Variants in PLPPR1 observed in about 807,000 individuals in gnomAD.
PLPPR1 encodes phospholipid phosphatase related 1.
In PLPPR1, 10 loss-of-function variants were observed where a neutral mutation model predicts 33.1. The observed-to-expected ratio is 0.30, with a 90% confidence interval of 0.19 to 0.51. The LOEUF (loss-of-function observed/expected upper bound fraction) is 0.51. Among genes scored for constraint, PLPPR1 ranks in the 20% least tolerant of loss-of-function variants. PLPPR1 has a pLI of 0.97. For missense variants in PLPPR1, 304 were observed against 408.1 expected, an observed-to-expected ratio of 0.74 and a Z score of 2.20; for synonymous variants, 151 against 151.0, an observed-to-expected ratio of 1.00 and a Z score of 0.00.
At chr9:101,186,901 A>G in intron 2 of PLPPR1, among the ~76,000 whole-genome samples, 1 of 152,062 alleles carries the variant, frequency 6.6e-6, no homozygotes, top group East Asian at 1.9e-4. Context: ...TTTAAGCTAA[A>G]TATCTGAATG....
At chr9:101,147,696 G>C (rs139226391) in intron 1 of PLPPR1, among the ~76,000 whole-genome samples, 53 of 152,140 alleles carry the variant, frequency 3.5e-4, no homozygotes, top group African/African-American at 7.5e-4. Context: ...TTGGGAGTGT[G>C]GGGGGAAGGG....
chr9:101,245,591 AT>A (rs1285008362), intron 2 of PLPPR1, among the ~76,000 whole-genome samples: 1 of 151,912 alleles, frequency 6.6e-6, no homozygotes, highest in Non-Finnish European at 1.5e-5. Context: ...TACACTATAT[AT>A]TTTTTCTAGT....
chr9:101,299,499 T>C (rs1053871573), intron 4 of PLPPR1, among the ~76,000 whole-genome samples: 1 of 152,178 alleles, frequency 6.6e-6, no homozygotes, highest in Non-Finnish European at 1.5e-5. Flanking sequence ...TCTATTCCCC[T>C]TTGATTGTCA....
chr9:101,162,509 A>C (rs1252442739), intron 1 of PLPPR1, among the ~76,000 whole-genome samples: 1 of 152,218 alleles, frequency 6.6e-6, no homozygotes, highest in Non-Finnish European at 1.5e-5. Flanking sequence ...TCAGGGAAGA[A>C]TTTGTGAATT....
intron 4 of PLPPR1, among the ~76,000 whole-genome samples, chr9:101,290,477 G>C (rs1828475263): frequency 6.6e-6 from 1 of 152,194 alleles, no homozygotes; most frequent in South Asian, 2.1e-4. Context: ...AAAAACGTGA[G>C]ATTCTAATAC....
In PLPPR1 at chr9:101,180,094, TTATATATATATATA is replaced by T. The variant is rs71507977; in HGVS notation, c.-45-5319_-45-5306del. Among the ~76,000 whole-genome samples, 115 of 62,016 alleles carry T rather than the reference TTATATATATATATA, an allele frequency of 1.9e-3. 4 individuals are homozygous for T. The highest frequency in any genetic ancestry group is 6.6e-3 in the East Asian group (13 of 1,974). The allele number at this position is 62,016 out of a possible 152,430, so 40.7% of individuals were successfully genotyped here. ...GAGTTAATACTTAATAAACTCTCCT[TTATATATATATATA>T]TATATATATATATATATATATATAT... is the stretch of plus-strand genomic sequence containing the variant. On this transcript the variant is annotated intron_variant, in intron 1 of 7. Transcript: ENST00000374874.
intron 7 of PLPPR1, among the ~76,000 whole-genome samples, chr9:101,318,773 CA>C (rs35086498): frequency 0.41 from 61,552 of 149,542 alleles, 13,917 homozygotes; most frequent in African/African-American, 0.63. Flanking sequence ...GACCCTATCT[CA>C]AAAAAAAACA....
At chr9:101,276,043 T>G (rs974581555) in intron 3 of PLPPR1, among the ~76,000 whole-genome samples, 1 of 152,114 alleles carries the variant, frequency 6.6e-6, no homozygotes, top group African/African-American at 2.4e-5. Context: ...CTCTCAATAA[T>G]GCAAGCCTGT....
intron 1 of PLPPR1, among the ~76,000 whole-genome samples, chr9:101,158,159 TAA>T (rs573137652): frequency 6.6e-6 from 1 of 152,054 alleles, no homozygotes; most frequent in South Asian, 2.1e-4. Context: ...TGTTATTTAG[TAA>T]AAAAAGCTTC....
intron 1 of PLPPR1, among the ~76,000 whole-genome samples, chr9:101,141,430 T>C (rs968991737): frequency 6.6e-6 from 1 of 152,150 alleles, no homozygotes; most frequent in African/African-American, 2.4e-5. Context: ...TTATTACCAA[T>C]GGAGGATTAG....
At chr9:101,206,509 C>T (rs985859490) in intron 2 of PLPPR1, among the ~76,000 whole-genome samples, 1 of 152,150 alleles carries the variant, frequency 6.6e-6, no homozygotes, top group Non-Finnish European at 1.5e-5. Flanking sequence ...TGTTTAGGTG[C>T]CTTTTCTGTT....
At position 101,122,836 on chromosome 9, in the gene PLPPR1, A is replaced by G. The variant is rs192967625; in HGVS notation, c.-45-62614A>G. On this transcript the variant is annotated intron_variant, in intron 1 of 7. Coordinates refer to ENST00000374874, the MANE Select transcript of PLPPR1 (RefSeq NM_207299.2). ...TCTTTCTTCTAACACCTAGTTAGCA[A>G]CTGGTTACTGTCAAAGACTGCTGTG... Among the ~76,000 whole-genome samples, 785 of 152,308 alleles carry G rather than the reference A, an allele frequency of 5.2e-3. 3 individuals carry two copies. The highest frequency in any genetic ancestry group is 9.3e-3 in the Non-Finnish European group (633 of 68,034).
At chr9:101,122,332 T>TA (rs1287833391) in intron 1 of PLPPR1, among the ~76,000 whole-genome samples, 2 of 152,214 alleles carry the variant, frequency 1.3e-5, no homozygotes, top group Non-Finnish European at 2.9e-5. Context: ...ACTGACTGTC[T>TA]ACAATTGTTG....
chr9:101,123,658 C>G (rs188162927), intron 1 of PLPPR1, among the ~76,000 whole-genome samples: 95 of 152,266 alleles, frequency 6.2e-4, no homozygotes, highest in African/African-American at 2.3e-3. Flanking sequence ...TTGCTTTAAG[C>G]ACATGATTTA....
intron 2 of PLPPR1, among the ~76,000 whole-genome samples, chr9:101,214,961 T>A (rs1224748513): frequency 6.6e-6 from 1 of 151,018 alleles, no homozygotes; most frequent in African/African-American, 2.4e-5. Context: ...AGGCAGACGT[T>A]GTAGTCAGCT....
At chr9:101,260,965 C>A (rs1259684689) in intron 2 of PLPPR1, among the ~76,000 whole-genome samples, 1 of 152,056 alleles carries the variant, frequency 6.6e-6, no homozygotes, top group African/African-American at 2.4e-5. Context: ...TCTACTATCA[C>A]CCCAAAGTAA....
chr9:101,211,545 T>C (rs1327417110), intron 2 of PLPPR1, among the ~76,000 whole-genome samples: 1 of 152,098 alleles, frequency 6.6e-6, no homozygotes, highest in Non-Finnish European at 1.5e-5. Context: ...GGCCAGAAAA[T>C]ATTCTATAAA....
At chr9:101,034,937 A>G (rs536323419) in intron 1 of PLPPR1, among the ~76,000 whole-genome samples, 11 of 152,290 alleles carry the variant, frequency 7.2e-5, no homozygotes, top group African/African-American at 2.4e-4. Context: ...GCCTAGGTAG[A>G]GTAGACATGT....
intron 2 of PLPPR1, among the ~76,000 whole-genome samples, chr9:101,262,901 A>G (rs1294412107): frequency 6.6e-6 from 1 of 152,174 alleles, no homozygotes; most frequent in Non-Finnish European, 1.5e-5. Flanking sequence ...AACTAACACA[A>G]GAACAGAAAA....
Sources: gnomAD v4.1 joint callset for allele counts (sites outside exome capture counted in the v4.1 genomes callset) on GRCh38, gnomAD v4.1.1 for gene constraint, MANE v1.5 for transcripts, NCBI Gene and HGNC (gene_info 2026-07-23, HGNC 2026-07-21) for gene names.